ADGRL3: variants seen among roughly 807,000 people sequenced by gnomAD.
ADGRL3 encodes the protein calcium-independent alpha-latrotoxin receptor 3.
A neutral mutation model predicts 153.5 loss-of-function variants in ADGRL3; 62 were observed. The observed-to-expected ratio is 0.40, with a 90% CI of 0.33 to 0.50. The LOEUF is 0.50. Among genes scored for constraint, ADGRL3 ranks in the 20% least tolerant of loss-of-function variants. The pLI is 0.47. For synonymous variants in ADGRL3, 710 were observed against 672.5 expected (o/e 1.06, Z -0.86); for missense variants, 1,641 against 1,859.4 (o/e 0.88, Z 2.16).
chr4:61,565,982 T>A (rs1375284381), intron 4 of ADGRL3, among the ~76,000 whole-genome samples: 1 of 152,194 alleles, frequency 6.6e-6, no homozygotes, highest in African/African-American at 2.4e-5. Context: ...GATTTCCAAT[T>A]TACAGTTGTG....
At chr4:61,541,715 C>T (rs535935498) in intron 4 of ADGRL3, among the ~76,000 whole-genome samples, 2 of 152,212 alleles carry the variant, frequency 1.3e-5, no homozygotes, top group Admixed American at 6.5e-5. Context: ...CGTTGATTAT[C>T]CAGTGTTCCC....
In ADGRL3 at chr4:61,955,519, AATTTC is replaced by A. The variant is rs796675885; in HGVS notation, c.2805+7244_2805+7248del. ...AACTAATTTGAACTAATTAGTGATG[AATTTC>A]TGCTGGGGGAAGTCATTTCAATAAA... On this transcript the variant is annotated intron_variant, in intron 17 of 26. Transcript: ENST00000683033. Among the ~76,000 whole-genome samples the A allele has an allele frequency of 1.2e-3, 180 of 152,252 alleles. 1 individual carries two copies. The highest frequency in any genetic ancestry group is 4.2e-3 in the African/African-American group (174 of 41,542).
chr4:61,966,116 G>A (rs1171790909), intron 17 of ADGRL3, among the ~76,000 whole-genome samples: 1 of 152,062 alleles, frequency 6.6e-6, no homozygotes, highest in Non-Finnish European at 1.5e-5. Context: ...AATTGCTATA[G>A]CTAAGAAAAT....
At chr4:61,495,417 AAAAAG>A (rs1158213417) in intron 2 of ADGRL3, among the ~76,000 whole-genome samples, 2 of 151,992 alleles carry the variant, frequency 1.3e-5, no homozygotes, top group Non-Finnish European at 2.9e-5. Context: ...CCAAGACAAA[AAAAAG>A]AAAAGAAAGA....
rs189549156 is a variant in ADGRL3, at chr4:61,809,712, A to C, written c.1400-4097A>C. ...GCTTGCTTTCTTCTCACTCTGCATA[A>C]GAATATGGACTCTCATTTATTATGG... On this transcript the variant is annotated intron_variant, in intron 8 of 26. Coordinates refer to ENST00000683033, the MANE Select transcript of ADGRL3 (RefSeq NM_001387552.1). Among the ~76,000 whole-genome samples the C allele has an allele frequency of 3.9e-5, 6 of 152,136 alleles. 1 individual carries two copies. The highest frequency in any genetic ancestry group is 3.3e-4 in the Admixed American group (5 of 15,266).
chr4:62,003,267 T>C (rs1262731435), intron 21 of ADGRL3, among the ~76,000 whole-genome samples: 1 of 152,148 alleles, frequency 6.6e-6, no homozygotes, highest in African/African-American at 2.4e-5. Flanking sequence ...GTCTCTCTCC[T>C]TAGGTTTTAT....
At chr4:61,966,931 C>T (rs965982108) in intron 17 of ADGRL3, among the ~76,000 whole-genome samples, 3 of 152,088 alleles carry the variant, frequency 2.0e-5, no homozygotes, top group African/African-American at 7.2e-5. Context: ...TGTGGACCTT[C>T]CCACTGTTAA....
chr4:61,917,625 C>G (rs900294862), intron 13 of ADGRL3, among the ~76,000 whole-genome samples: 1 of 148,918 alleles, frequency 6.7e-6, no homozygotes, highest in Non-Finnish European at 1.5e-5. Context: ...GATTTTCTGT[C>G]TTTCTTATTA....
chr4:61,668,906 T>A (rs1037414852), intron 5 of ADGRL3, among the ~76,000 whole-genome samples: 14 of 152,018 alleles, frequency 9.2e-5, no homozygotes, highest in Admixed American at 7.9e-4. Flanking sequence ...GTGGTCCCAG[T>A]TATTCGGGAG....
At chr4:61,250,875 G>C (rs888854775) in intron 1 of ADGRL3, among the ~76,000 whole-genome samples, 1 of 152,046 alleles carries the variant, frequency 6.6e-6, no homozygotes, top group African/African-American at 2.4e-5. Context: ...TCTTTTTATA[G>C]GTTAAATGGG....
chr4:61,624,526 G>A (rs1365448134), intron 5 of ADGRL3, among the ~76,000 whole-genome samples: 2 of 151,930 alleles, frequency 1.3e-5, no homozygotes, highest in African/African-American at 4.8e-5. Context: ...TTCCCAACCA[G>A]GGTTCCTTGA....
chr4:61,431,350 T>G (rs1314648046), intron 2 of ADGRL3, among the ~76,000 whole-genome samples: 2 of 152,196 alleles, frequency 1.3e-5, no homozygotes, highest in Admixed American at 6.5e-5. Flanking sequence ...CCTCCTTGGA[T>G]AGCAGGTGCT....
intron 9 of ADGRL3, among the ~76,000 whole-genome samples, chr4:61,856,709 A>G (rs1367973403): frequency 7.5e-6 from 1 of 134,178 alleles, no homozygotes; most frequent in Non-Finnish European, 1.5e-5. Context: ...CTCCACCTCC[A>G]GGGTTCAAGC....
intron 6 of ADGRL3, among the ~76,000 whole-genome samples, chr4:61,694,181 T>TA (rs1289198818): frequency 3.4e-3 from 11 of 3,226 alleles, no homozygotes; most frequent in African/African-American, 0.011. Flanking sequence ...TTGTCATTAT[T>TA]TTTTTTTTTT....
At chr4:62,061,134 G>A (rs555539996) in intron 25 of ADGRL3, among the ~76,000 whole-genome samples, 1 of 151,956 alleles carries the variant, frequency 6.6e-6, no homozygotes, top group African/African-American at 2.4e-5. Context: ...TTATAATTTA[G>A]AAAAGATTGA....
chr4:61,921,461 C>T (rs929874036), intron 13 of ADGRL3, among the ~76,000 whole-genome samples: 10 of 152,138 alleles, frequency 6.6e-5, no homozygotes, highest in Non-Finnish European at 1.3e-4. Context: ...TTGCTGCCAA[C>T]AGGCTGGAGT....
chr4:62,004,871 A>T (rs920956855), intron 21 of ADGRL3, among the ~76,000 whole-genome samples: 1 of 152,086 alleles, frequency 6.6e-6, no homozygotes, highest in African/African-American at 2.4e-5. Flanking sequence ...AAGTGAATTT[A>T]ATTTGTCTGT....
chr4:61,954,471 C>T (rs556078946), intron 17 of ADGRL3, among the ~76,000 whole-genome samples: 10 of 152,136 alleles, frequency 6.6e-5, no homozygotes, highest in Admixed American at 2.6e-4. Context: ...GATCATGTCA[C>T]TCCTCAAATT....
intron 8 of ADGRL3, among the ~76,000 whole-genome samples, chr4:61,790,718 A>G: frequency 6.6e-6 from 1 of 152,182 alleles, no homozygotes; most frequent in Admixed American, 6.5e-5. Context: ...CTGCTGATAA[A>G]GACATACCCA....
Sources: gnomAD v4.1 joint callset for allele counts (sites outside exome capture counted in the v4.1 genomes callset) on GRCh38, gnomAD v4.1.1 for gene constraint, MANE v1.5 for transcripts, NCBI Gene and HGNC (gene_info 2026-07-23, HGNC 2026-07-21) for gene names.